SKOR1: variants seen among roughly 807,000 people sequenced by gnomAD.
The protein encoded by SKOR1 is SKI family transcriptional corepressor 1.
Under a neutral mutation model 72.4 loss-of-function variants are expected in SKOR1, and 38 were observed. The observed-to-expected ratio is 0.52, with a 90% CI of 0.40 to 0.69. The LOEUF is 0.69. Ranked by LOEUF, SKOR1 falls within the 30% of genes least tolerant of loss-of-function variation. The pLI is 0.00. For synonymous variants in SKOR1, 642 were observed against 599.4 expected (o/e 1.07, Z -1.04); for missense variants, 1,320 against 1,343.2 (o/e 0.98, Z 0.27).
rs1821708801 is a variant in SKOR1 at position 67,832,473 on chromosome 15, G to A, written c.2662+125G>A. The A allele has an allele frequency of 1.5e-6, 2 of 1,338,964 alleles. No homozygotes were observed. The highest frequency in any genetic ancestry group is 2.9e-5 in the African/African-American group (2 of 69,442). The allele number at this position is 1,338,964 out of a possible 1,614,324, so 82.9% of individuals were successfully genotyped here. ...GGTGCCCTGCAGGAGACAAGAAACTGTCCTTTTCCAGGGCTGCAGGCGAAT... is the reference window on the plus strand; with the variant it reads ...GGTGCCCTGCAGGAGACAAGAAACTATCCTTTTCCAGGGCTGCAGGCGAAT... On this transcript the variant is annotated intron_variant, in intron 6 of 8. Transcript: ENST00000380035. The surrounding 1 kb of genome is among the most constrained non-coding windows in gnomAD (Gnocchi z 4.5).
At position 67,827,255 on chromosome 15, in the gene SKOR1, C is replaced by G; in HGVS notation, c.1427C>G (p.Ala476Gly). 3 of 1,575,694 alleles carry G rather than the reference C, an allele frequency of 1.9e-6. No individual in the cohort carries two copies. Among genetic ancestry groups the G allele is most frequent in the Non-Finnish European group, 2.6e-6 (3 of 1,169,496 alleles). Residue 476 changes from alanine (A) to glycine (G), a missense_variant, in exon 2 of 9, where the codon GCT (alanine) becomes GGT (glycine). Physicochemically the swap from Ala to Gly is moderately conservative, Grantham distance 60 (BLOSUM62 0). Around this residue, in one of 3 missense-constraint regions of SKOR1, gnomAD observed 1,099 missense variants for 1,025.5 expected, o/e 1.07. Transcript: ENST00000380035. ...GCAGCCAAGGACGCAGCGGCAGTGGCTGCAGCGGCCGCCGCCGCCACTGTG... is the reference window on the plus strand; with the variant it reads ...GCAGCCAAGGACGCAGCGGCAGTGGGTGCAGCGGCCGCCGCCGCCACTGTG... Reference protein sequence around the residue: ...SGAAKDAAAVAAAAAAATVYP... With the variant: ...SGAAKDAAAVGAAAAAATVYP...
In SKOR1 at chr15:67,833,445, C is replaced by G. The variant is rs1197445859; in HGVS notation, c.2803+188C>G. 6.6e-6 allele frequency among the ~76,000 whole-genome samples: 1 copy of G among 152,184 alleles called. No homozygotes were observed. Among genetic ancestry groups the G allele is most frequent in the Non-Finnish European group, 1.5e-5 (1 of 68,038 alleles). On this transcript the variant is annotated intron_variant, in intron 8 of 8. Coordinates refer to ENST00000380035, the MANE Select transcript of SKOR1 (RefSeq NM_001365915.1). This position sits in a 1 kb window ranked among gnomAD's most constrained non-coding sequence, Gnocchi z 6.0. ...GGATGGTGGGGGTAAAAAGAAAGAG[C>G]CCCTTGGGCTTTGGACGTCAGAAAA...
At chr15:67,830,391 T>A in intron 4 of SKOR1, 93 bp downstream of exon 4, 1 of 1,047,558 alleles carries the variant, frequency 9.5e-7, no homozygotes, top group Non-Finnish European at 1.5e-6. Context: ...GAAAGGCTTT[T>A]AATCAAGTGT....
chr15:67,833,145 G>C lies in SKOR1; in HGVS notation c.2738-47G>C, dbSNP rs760523539. On this transcript the variant is annotated intron_variant, in intron 7 of 8. Coordinates refer to ENST00000380035, the MANE Select transcript of SKOR1 (RefSeq NM_001365915.1). The surrounding 1 kb of genome is among the most constrained non-coding windows in gnomAD (Gnocchi z 6.0). ...GCCCGGGCTGTGACCCCGGCCTTTCGGAGGGTGGTCTGCGTTTCCTCACTG... is the reference window on the plus strand; with the variant it reads ...GCCCGGGCTGTGACCCCGGCCTTTCCGAGGGTGGTCTGCGTTTCCTCACTG... The C allele has an allele frequency of 8.7e-6, 14 of 1,608,146 alleles. No homozygotes were observed. The Admixed American group carries it at 1.8e-4, about 21-fold the overall frequency.
In SKOR1 at chr15:67,833,841, G is replaced by A. The variant is rs777495288; in HGVS notation, c.*5G>A. The A allele has an allele frequency of 6.2e-7, 1 of 1,607,802 alleles. No homozygotes were observed. The highest frequency in any genetic ancestry group is 8.5e-7 in the Non-Finnish European group (1 of 1,179,724). On this transcript the variant is annotated 3_prime_UTR_variant, in exon 9 of 9. Coordinates refer to ENST00000380035, the MANE Select transcript of SKOR1 (RefSeq NM_001365915.1). This position sits in a 1 kb window ranked among gnomAD's most constrained non-coding sequence, Gnocchi z 6.0. The stretch of plus-strand genomic sequence containing the variant: ...AAGCCACCGCTGTTGCCCTAGGGCC[G>A]GCCTGGCCGCACCCCTGCGCCCTCA...
In SKOR1 at chr15:67,826,829, C is replaced by A; in HGVS notation, c.1001C>A (p.Ala334Asp). The A allele has an allele frequency of 6.6e-7, 1 of 1,523,668 alleles. No homozygotes were observed. The highest frequency in any genetic ancestry group is 8.8e-7 in the Non-Finnish European group (1 of 1,138,118). 94.4% of individuals were successfully genotyped at this position (1,523,668 alleles called of 1,614,324 possible). Residue 334 changes from alanine (A) to aspartate (D), a missense_variant, in exon 2 of 9, where the codon GCC (alanine) becomes GAC (aspartate). Around this residue, in one of 3 missense-constraint regions of SKOR1, gnomAD observed 1,099 missense variants for 1,025.5 expected, o/e 1.07. Coordinates refer to ENST00000380035, the MANE Select transcript of SKOR1 (RefSeq NM_001365915.1). ...CTGCGCTGTGGCGAAGATGAGGCTG[C>A]CGGGCCTCCGGGGCCACCTCCACCC... ...KSLRCGEDEA[A>D]GPPGPPPPHP... is the part of the protein sequence containing the mutation.
chr15:67,834,182 G>A lies in SKOR1; in HGVS notation c.*346G>A, dbSNP rs763572887. The A allele has an allele frequency of 2.4e-4, 90 of 372,754 alleles. No individual in the cohort carries two copies. The highest frequency in any genetic ancestry group is 3.9e-4 in the Non-Finnish European group (77 of 195,026). 23.1% of individuals were successfully genotyped at this position (372,754 alleles called of 1,614,324 possible). A position where few individuals can be genotyped will look rare whatever the true frequency, so the allele number is the denominator to read the frequency against. ...ATTGTATAGCCTTGAACCCGATTGT[G>A]AATACAATGTAGCAACTTCGCTGGC... On this transcript the variant is annotated 3_prime_UTR_variant, in exon 9 of 9. Transcript: ENST00000380035. This position sits in a 1 kb window ranked among gnomAD's most constrained non-coding sequence, Gnocchi z 5.8.
chr15:67,828,238 C>T (rs1284216027), intron 2 of SKOR1, 94 bp downstream of exon 2: 3 of 1,357,406 alleles, frequency 2.2e-6, no homozygotes, highest in Admixed American at 3.9e-5. Flanking sequence ...AATTTTGTTC[C>T]GCGCAGGCGT....
At chr15:67,828,293 C>T (rs2090981489) in intron 2 of SKOR1, 149 bp downstream of exon 2, 7 of 1,322,684 alleles carry the variant, frequency 5.3e-6, no homozygotes, top group Non-Finnish European at 6.7e-6. Context: ...CAGCCTTGGG[C>T]GCGCTGCGAA....
intron 5 of SKOR1, among the ~76,000 whole-genome samples, 185 bp downstream of exon 5, chr15:67,831,074 G>A (rs1373278453): frequency 6.6e-6 from 1 of 152,154 alleles, no homozygotes; most frequent in African/African-American, 2.4e-5. Flanking sequence ...TGGCACAGAG[G>A]TATGTATGTG....
chr15:67,828,290 G>C, intron 2 of SKOR1, 146 bp downstream of exon 2: 2 of 1,327,852 alleles, frequency 1.5e-6, no homozygotes, highest in South Asian at 4.0e-5. Flanking sequence ...GCCCAGCCTT[G>C]GGCGCGCTGC....
At position 67,833,762 on chromosome 15, in the gene SKOR1, C is replaced by T. The variant is rs370329539; in HGVS notation, c.2824C>T (p.His942Tyr). ...CCCAGAAGCCCACGACGCCCTGCAC[C>T]ATTTCTCCTGCAAGATGCTGACGCC... The part of the protein sequence containing the change: ...KLKEAHDALH[H>Y]FSCKMLTPRH... Residue 942 changes from histidine to tyrosine, a missense_variant, in exon 9 of 9, where the codon CAT becomes TAT. Physicochemically the swap from His to Tyr is moderately conservative, Grantham distance 83. This residue lies in a region of SKOR1 where 1,099 missense variants were observed against 1,025.5 expected (regional missense o/e 1.07). Coordinates refer to ENST00000380035, the MANE Select transcript of SKOR1 (RefSeq NM_001365915.1). The surrounding 1 kb of genome is among the most constrained non-coding windows in gnomAD (Gnocchi z 6.0). The T allele has an allele frequency of 6.2e-7, 1 of 1,613,650 alleles. No individual in the cohort carries two copies. The highest frequency in any genetic ancestry group is 1.1e-5 in the South Asian group (1 of 91,082).
rs913020115 is a variant in SKOR1, at chr15:67,826,860, G to A, written c.1032G>A (p.Pro344=). The change falls in exon 2 of 9, where the codon CCG becomes CCA. Residue 344 remains proline (P), a synonymous_variant. Coordinates refer to ENST00000380035, the MANE Select transcript of SKOR1 (RefSeq NM_001365915.1). ...AGPPGPPPPH[P]QRGLGLATGA... Reference sequence around the variant, plus strand: ...CTCCGGGGCCACCTCCACCCCACCCGCAGCGCGGACTTGGCCTGGCGACTG... The same window carrying A: ...CTCCGGGGCCACCTCCACCCCACCCACAGCGCGGACTTGGCCTGGCGACTG... 3.3e-6 allele frequency: 5 copies of A among 1,530,120 alleles called. No individual in the cohort carries two copies. The Admixed American group carries it at 8.0e-5, about 24-fold the overall frequency. The allele number at this position is 1,530,120 out of a possible 1,614,324, so 94.8% of individuals were successfully genotyped here. A position where few individuals can be genotyped will look rare whatever the true frequency, so the allele number is the denominator to read the frequency against.
chr15:67,830,426 GGCGAGCAGATAAATATTTAAC>G, intron 4 of SKOR1, 128 bp downstream of exon 4: 1 of 785,406 alleles, frequency 1.3e-6, no homozygotes, highest in Non-Finnish European at 2.1e-6. Context: ...CTTCTTCCTC[GGCGAGCAGATAAATATTTAAC>G]GCGAGCAGGG....
Position 67,832,028 on chromosome 15 carries a change from A to G in SKOR1, c.2588-246A>G, listed in dbSNP as rs1464786987. On this transcript the variant is annotated intron_variant, in intron 5 of 8. Transcript: ENST00000380035. This position sits in a 1 kb window ranked among gnomAD's most constrained non-coding sequence, Gnocchi z 4.5. ...CAACTTAAAGCAGTTGCCCAGCTGCATAGTTCCTGGAGCCAGGGCCTAGAT... is the reference window on the plus strand; with the variant it reads ...CAACTTAAAGCAGTTGCCCAGCTGCGTAGTTCCTGGAGCCAGGGCCTAGAT... Among the ~76,000 whole-genome samples, 1 of 152,112 alleles carries G rather than the reference A, an allele frequency of 6.6e-6. No individual in the cohort carries two copies. The highest frequency in any genetic ancestry group is 1.5e-5 in the Non-Finnish European group (1 of 68,026).
chr15:67,826,939 A>G lies in SKOR1; in HGVS notation c.1111A>G (p.Ser371Gly). ...GGPGGGAGVR[S>G]YPVIPVPSKG... is the part of the protein sequence containing the mutation. Reference sequence around the variant, plus strand: ...GCCCGGTGGCGGCGCCGGCGTACGAAGCTACCCGGTGATCCCGGTGCCCAG... The same window carrying G: ...GCCCGGTGGCGGCGCCGGCGTACGAGGCTACCCGGTGATCCCGGTGCCCAG... The change falls in exon 2 of 9, where the codon AGC (serine) becomes GGC (glycine). Residue 371 changes from serine (S) to glycine (G), a missense_variant. By Grantham distance (56) the Ser-to-Gly change is moderately conservative. Transcript: ENST00000380035. 1 of 1,585,982 alleles carries G rather than the reference A, an allele frequency of 6.3e-7. No homozygotes were observed. The highest frequency in any genetic ancestry group is 8.5e-7 in the Non-Finnish European group (1 of 1,174,624).
At position 67,832,815 on chromosome 15, in the gene SKOR1, T is replaced by C. The variant is rs2091019121; in HGVS notation, c.2737+134T>C. On this transcript the variant is annotated intron_variant, in intron 7 of 8. Coordinates refer to ENST00000380035, the MANE Select transcript of SKOR1 (RefSeq NM_001365915.1). The surrounding 1 kb of genome is among the most constrained non-coding windows in gnomAD (Gnocchi z 4.5). The stretch of plus-strand genomic sequence containing the variant: ...AATTATTTTTTTATTTAATATGCTT[T>C]GTATACTCTGATTAGCCTCAGAATG... The C allele has an allele frequency of 1.3e-6, 1 of 740,844 alleles. No homozygotes were observed. Among genetic ancestry groups the C allele is most frequent in the Non-Finnish European group, 2.2e-6 (1 of 447,910 alleles). 45.9% of individuals were successfully genotyped at this position (740,844 alleles called of 1,614,324 possible).
Position 67,827,188 on chromosome 15 carries a change from C to G in SKOR1, c.1360C>G (p.Pro454Ala). Residue 454 changes from proline (P) to alanine (A), a missense_variant, in exon 2 of 9, where the codon CCG becomes GCG. Coordinates refer to ENST00000380035, the MANE Select transcript of SKOR1 (RefSeq NM_001365915.1). ...CTTGCCCCCGGGGGCAGGGGCGGGCCCGGGCGGCGGCGCCATGTTCTGGGG... is the reference window on the plus strand; with the variant it reads ...CTTGCCCCCGGGGGCAGGGGCGGGCGCGGGCGGCGGCGCCATGTTCTGGGG... ...SHLPPGAGAG[P>A]GGGAMFWGHQ... is the part of the protein sequence containing the mutation. 1 of 1,403,032 alleles carries G rather than the reference C, an allele frequency of 7.1e-7. No homozygotes were observed. The highest frequency in any genetic ancestry group is 1.5e-5 in the African/African-American group (1 of 67,246). 86.9% of individuals were successfully genotyped at this position (1,403,032 alleles called of 1,614,324 possible). A position where few individuals can be genotyped will look rare whatever the true frequency, so the allele number is the denominator to read the frequency against.
rs1339476990 is a variant in SKOR1, at chr15:67,830,906, GA to G, written c.2587+22del. 6.2e-7 allele frequency: 1 copy of G among 1,612,922 alleles called. No individual in the cohort carries two copies. The highest frequency in any genetic ancestry group is 8.5e-7 in the Non-Finnish European group (1 of 1,178,904). On this transcript the variant is annotated intron_variant, in intron 5 of 8. Transcript: ENST00000380035. The stretch of plus-strand genomic sequence containing the variant: ...TGGCCAGAGGTGAGGATAAATTTGT[GA>G]AAAAGGTGTACGCTGTGCTTGAGAG...
Sources: gnomAD v4.1 joint callset for allele counts (sites outside exome capture counted in the v4.1 genomes callset) on GRCh38, gnomAD v4.1.1 for gene constraint, gnomAD v4.1.1 regional missense constraint, Gnocchi (gnomAD v3.1) non-coding constraint, MANE v1.5 for transcripts, NCBI Gene and HGNC (gene_info 2026-07-23, HGNC 2026-07-21) for gene names.